Variants in UBP1 observed in about 807,000 individuals in gnomAD.
UBP1 encodes the protein upstream-binding protein 1.
A neutral mutation model predicts 76.1 loss-of-function variants in UBP1; 22 were observed. That is an observed-to-expected ratio of 0.29 (90% CI 0.21 to 0.41). UBP1 has a LOEUF of 0.41. Ranked by LOEUF, UBP1 falls within the 10% of genes least tolerant of loss-of-function variation. The probability of loss-of-function intolerance (pLI) is 1.00; values close to 1 mark genes in which losing one functional copy is unlikely to be tolerated. For missense variants in UBP1, 436 were observed against 668.1 expected (o/e 0.65, Z 3.83); for synonymous variants, 224 against 237.1 (o/e 0.94, Z 0.51).
At position 33,388,767 on chromosome 3, in the gene UBP1, C is replaced by A. The variant is rs375044770; in HGVS notation, c.*1564G>T. ...ATAGGAGTTACAGATATTTTCAAAT[C>A]GATGATGAAAATAGATCGTGCTTCT... On this transcript the variant is annotated 3_prime_UTR_variant, in exon 16 of 16. Transcript: ENST00000283629. The A allele has an allele frequency of 6.6e-6, 1 of 152,140 alleles. No homozygotes were observed. Among genetic ancestry groups the A allele is most frequent in the East Asian group, 1.9e-4 (1 of 5,198 alleles). The allele number at this position is 152,140 out of a possible 1,614,324, so 9.4% of individuals were successfully genotyped here.
At chr3:33,426,944 C>T (rs1040700592) in intron 1 of UBP1, among the ~76,000 whole-genome samples, 1 of 152,142 alleles carries the variant, frequency 6.6e-6, no homozygotes, top group Non-Finnish European at 1.5e-5. Context: ...ATTACTGGAT[C>T]ACATGGTAAC....
At chr3:33,439,411 T>A (rs981355191) in intron 1 of UBP1, among the ~76,000 whole-genome samples, 1 of 152,238 alleles carries the variant, frequency 6.6e-6, no homozygotes, top group Admixed American at 6.5e-5. Flanking sequence ...ATGGGACTTG[T>A]AAATCACTTA....
At chr3:33,438,266 A>G (rs910418021) in intron 1 of UBP1, among the ~76,000 whole-genome samples, 7 of 152,276 alleles carry the variant, frequency 4.6e-5, no homozygotes, top group Non-Finnish European at 8.8e-5. Flanking sequence ...ATCAATAAGT[A>G]AACTTTTCAG....
intron 15 of UBP1, chr3:33,392,311 G>C (rs747115686): frequency 3.5e-5 from 14 of 394,678 alleles, no homozygotes; most frequent in Non-Finnish European, 5.8e-5. Flanking sequence ...CACGGTGTCT[G>C]ACACAAAGTG....
intron 9 of UBP1, among the ~76,000 whole-genome samples, chr3:33,401,393 T>C (rs1187307082): frequency 1.3e-5 from 2 of 152,018 alleles, no homozygotes; most frequent in African/African-American, 2.4e-5. Context: ...TTGAAAATAA[T>C]TGCAAAAAAA....
chr3:33,410,402 A>G (rs928936974), intron 5 of UBP1, among the ~76,000 whole-genome samples: 1 of 152,236 alleles, frequency 6.6e-6, no homozygotes, highest in Non-Finnish European at 1.5e-5. Context: ...GATTTACTAC[A>G]TAACTAGTTG....
At chr3:33,396,596 A>C in intron 12 of UBP1, 1 of 399,756 alleles carries the variant, frequency 2.5e-6, no homozygotes, top group Non-Finnish European at 4.7e-6. Flanking sequence ...CTCACACCAC[A>C]AGTATAGAAA....
chr3:33,399,304 A>C (rs1471269562), intron 11 of UBP1, among the ~76,000 whole-genome samples: 3 of 152,216 alleles, frequency 2.0e-5, no homozygotes, highest in African/African-American at 7.2e-5. Context: ...GTCATTATCT[A>C]TTACTGTCCC....
intron 14 of UBP1, chr3:33,392,964 GT>G (rs1226412538): frequency 3.2e-6 from 1 of 310,924 alleles, no homozygotes. Flanking sequence ...TATCTTACAT[GT>G]TTTTTTAAAT....
intron 2 of UBP1, among the ~76,000 whole-genome samples, chr3:33,421,062 A>G (rs560105404): frequency 6.6e-6 from 1 of 152,232 alleles, no homozygotes; most frequent in Non-Finnish European, 1.5e-5. Flanking sequence ...CAGAAGTCTC[A>G]CTCATATTTA....
At chr3:33,406,383 C>T (rs2044428392) in intron 8 of UBP1, among the ~76,000 whole-genome samples, 1 of 152,266 alleles carries the variant, frequency 6.6e-6, no homozygotes, top group African/African-American at 2.4e-5. Flanking sequence ...GTATCACACA[C>T]TGTCACCTCA....
Position 33,389,271 on chromosome 3 carries a change from G to C in UBP1, c.*1060C>G, listed in dbSNP as rs1219272451. On this transcript the variant is annotated 3_prime_UTR_variant, in exon 16 of 16. Coordinates refer to ENST00000283629, the MANE Select transcript of UBP1 (RefSeq NM_014517.5). ...TTGTACTAAAGCTCAATATTTGAGAGGCTTAAGGGATTTGTATGGTACATT... is the reference window on the plus strand; with the variant it reads ...TTGTACTAAAGCTCAATATTTGAGACGCTTAAGGGATTTGTATGGTACATT... 2.0e-5 allele frequency: 3 copies of C among 152,588 alleles called. No individual in the cohort carries two copies. Among genetic ancestry groups the C allele is most frequent in the African/African-American group, 7.2e-5 (3 of 41,430 alleles). 9.5% of individuals were successfully genotyped at this position (152,588 alleles called of 1,614,324 possible).
In UBP1 at chr3:33,408,670, G is replaced by C; in HGVS notation, c.927+20C>G. 6.3e-7 allele frequency: 1 copy of C among 1,598,534 alleles called. No homozygotes were observed. The highest frequency in any genetic ancestry group is 1.1e-5 in the South Asian group (1 of 89,218). ...CACAAGGTTTCTTGCACAATGAAAA[G>C]AGAAGCAGAAGTCCCTTACACTGCC... On this transcript the variant is annotated intron_variant, in intron 8 of 15. Coordinates refer to ENST00000283629, the MANE Select transcript of UBP1 (RefSeq NM_014517.5).
chr3:33,424,396 T>C (rs1426284563), intron 2 of UBP1, among the ~76,000 whole-genome samples: 3 of 152,216 alleles, frequency 2.0e-5, no homozygotes, highest in African/African-American at 4.8e-5. Context: ...CTAAAATCTA[T>C]TGCTCTTTCC....
intron 1 of UBP1, among the ~76,000 whole-genome samples, chr3:33,429,450 C>G (rs1205987513): frequency 3.9e-5 from 6 of 152,002 alleles, no homozygotes; most frequent in African/African-American, 1.4e-4. Flanking sequence ...CCACCTCAAC[C>G]TCCCAAGTAG....
intron 1 of UBP1, 57 bp downstream of exon 1, chr3:33,439,679 C>T: frequency 1.3e-6 from 2 of 1,575,380 alleles, no homozygotes; most frequent in Non-Finnish European, 1.7e-6. Flanking sequence ...AGACTCAGGG[C>T]TGCGCAGGCC....
intron 1 of UBP1, among the ~76,000 whole-genome samples, chr3:33,433,079 G>C (rs188957476): frequency 1.4e-5 from 2 of 143,960 alleles, no homozygotes; most frequent in African/African-American, 5.1e-5. Flanking sequence ...TTTTTTTTTT[G>C]AGACGGAGTC....
chr3:33,422,295 C>T (rs1027003399), intron 2 of UBP1, among the ~76,000 whole-genome samples: 14 of 151,946 alleles, frequency 9.2e-5, no homozygotes, highest in Non-Finnish European at 1.8e-4. Context: ...ATCCCAGCTA[C>T]TCAGAAGGCC....
chr3:33,407,393 G>A (rs2044455317), intron 8 of UBP1, among the ~76,000 whole-genome samples: 1 of 152,160 alleles, frequency 6.6e-6, no homozygotes, highest in African/African-American at 2.4e-5. Flanking sequence ...GAGAGGAAAA[G>A]TGAGTTGCCA....
Sources: gnomAD v4.1 joint callset for allele counts (sites outside exome capture counted in the v4.1 genomes callset) on GRCh38, gnomAD v4.1.1 for gene constraint, MANE v1.5 for transcripts, NCBI Gene and HGNC (gene_info 2026-07-23, HGNC 2026-07-21) for gene names.